ZNF346: variants seen among roughly 807,000 people sequenced by gnomAD.
ZNF346 encodes the protein double-stranded RNA-binding zinc finger protein JAZ.
Under a neutral mutation model 33.7 loss-of-function variants are expected in ZNF346, and 23 were observed. The ratio of observed to expected loss-of-function variants is 0.68; its 90% CI spans 0.49 to 0.97. ZNF346 has a LOEUF of 0.97. ZNF346 is among the 50% of genes least tolerant of loss of function. The pLI, the probability that ZNF346 is intolerant of heterozygous loss-of-function variation, is 0.00. For missense variants in ZNF346, 340 were observed against 371.1 expected (o/e 0.92, Z 0.69); for synonymous variants, 134 against 142.4 (o/e 0.94, Z 0.42).
At chr5:177,026,595 C>T (rs1408589112) in intron 1 of ZNF346, among the ~76,000 whole-genome samples, 1 of 152,074 alleles carries the variant, frequency 6.6e-6, no homozygotes, top group Non-Finnish European at 1.5e-5. Flanking sequence ...CTCCTGACCT[C>T]AGGTGATCCA....
intron 8 of ZNF346, among the ~76,000 whole-genome samples, chr5:177,075,780 G>T (rs1332778283): frequency 6.6e-6 from 1 of 152,024 alleles, no homozygotes; most frequent in South Asian, 2.1e-4. Context: ...TCTGCCTCCT[G>T]GGTTCAAACG....
At chr5:177,024,929 A>G (rs1348106806) in intron 1 of ZNF346, among the ~76,000 whole-genome samples, 2 of 152,098 alleles carry the variant, frequency 1.3e-5, no homozygotes, top group African/African-American at 4.8e-5. Flanking sequence ...ATTAAGTTCT[A>G]CTCACCCTTT....
At chr5:177,023,000 T>C in intron 1 of ZNF346, 87 bp downstream of exon 1, 1 of 1,447,176 alleles carries the variant, frequency 6.9e-7, no homozygotes, top group Non-Finnish European at 9.1e-7. Flanking sequence ...TCACACCCCC[T>C]GGCCCGCCTC....
chr5:177,057,183 G>A (rs879913511), intron 5 of ZNF346, among the ~76,000 whole-genome samples: 1 of 151,800 alleles, frequency 6.6e-6, no homozygotes, highest in Non-Finnish European at 1.5e-5. Flanking sequence ...GTGGTGGTGG[G>A]CGCCTGTAAT....
At chr5:177,047,960 T>C (rs1025280489) in intron 4 of ZNF346, among the ~76,000 whole-genome samples, 1 of 152,188 alleles carries the variant, frequency 6.6e-6, no homozygotes, top group Non-Finnish European at 1.5e-5. Flanking sequence ...TTCTATATGT[T>C]TTTTATTTAA....
intron 4 of ZNF346, among the ~76,000 whole-genome samples, chr5:177,046,573 A>T (rs555448107): frequency 6.6e-5 from 10 of 152,330 alleles, no homozygotes; most frequent in African/African-American, 2.4e-4. Context: ...TCTGAAATTA[A>T]ACACTTTTTA....
At chr5:177,076,072 C>T (rs1783733062) in intron 8 of ZNF346, among the ~76,000 whole-genome samples, 2 of 152,226 alleles carry the variant, frequency 1.3e-5, no homozygotes, top group Admixed American at 6.5e-5. Flanking sequence ...CGCTCAGCCT[C>T]CTGAAGTGCT....
chr5:177,027,677 CTATT>C (rs1363052887), intron 1 of ZNF346, among the ~76,000 whole-genome samples: 36 of 136,072 alleles, frequency 2.6e-4, no homozygotes, highest in African/African-American at 7.2e-4. Flanking sequence ...TTTAAATTCT[CTATT>C]TATTTATTTA....
rs747060535 is a variant in ZNF346, at chr5:177,022,743, A to G, written c.5A>G (p.Glu2Gly). The G allele has an allele frequency of 3.9e-6, 6 of 1,552,600 alleles. No homozygotes were observed. The highest frequency in any genetic ancestry group is 5.2e-6 in the Non-Finnish European group (6 of 1,153,466). The change falls in exon 1 of 7, where the codon GAG becomes GGG. Residue 2 changes from glutamate to glycine, a missense_variant. Coordinates refer to ENST00000358149, the MANE Select transcript of ZNF346 (RefSeq NM_012279.4). ...CGGTGAGGGTTTGCGGGGAAGATGG[A>G]GTATCCCGCGCCGGCCACGGTGCAG... MEYPAPATVQAA... is the reference protein window; with the variant it reads MGYPAPATVQAA...
intron 1 of ZNF346, among the ~76,000 whole-genome samples, chr5:177,038,875 CTTGTGT>C (rs969824907): frequency 3.4e-5 from 3 of 89,110 alleles, no homozygotes. Context: ...TCTTCTTCTT[CTTGTGT>C]GTGTGTGTGT....
chr5:177,055,302 G>A (rs1331719213), intron 5 of ZNF346, among the ~76,000 whole-genome samples: 1 of 151,958 alleles, frequency 6.6e-6, no homozygotes, highest in Non-Finnish European at 1.5e-5. Flanking sequence ...CCAAAGTGCT[G>A]GGATTACAGG....
At chr5:177,044,555 GC>G in intron 4 of ZNF346, 22 bp downstream of exon 4, 3 of 1,612,444 alleles carry the variant, frequency 1.9e-6, no homozygotes, top group Non-Finnish European at 2.5e-6. Context: ...CCTGAGTAGT[GC>G]TATAGTGGGA....
intron 1 of ZNF346, among the ~76,000 whole-genome samples, chr5:177,031,994 T>C (rs1158940507): frequency 7.3e-6 from 1 of 137,534 alleles, no homozygotes; most frequent in African/African-American, 2.9e-5. Context: ...GCCTTTTCTT[T>C]TTTCTTTTTT....
At chr5:177,047,033 TA>T (rs1186568289) in intron 4 of ZNF346, among the ~76,000 whole-genome samples, 5 of 59,900 alleles carry the variant, frequency 8.3e-5, no homozygotes, top group East Asian at 6.0e-4. Flanking sequence ...TATTTATTTT[TA>T]TTTATTTATT....
chr5:177,064,931 G>T lies in ZNF346; in HGVS notation c.*332G>T. 3.6e-6 allele frequency: 1 copy of T among 278,392 alleles called. No homozygotes were observed. Among genetic ancestry groups the T allele is most frequent in the East Asian group, 7.3e-5 (1 of 13,612 alleles). 17.2% of individuals were successfully genotyped at this position (278,392 alleles called of 1,614,324 possible). ...CCCTGCCACCTGTCTTTCCTCTAAA[G>T]GTCAGTTTTGGGCCAGTTCTTGCAA... is the stretch of plus-strand genomic sequence containing the variant. On this transcript the variant is annotated 3_prime_UTR_variant, in exon 7 of 7. Transcript: ENST00000358149.
chr5:177,053,654 G>A (rs997717662), intron 5 of ZNF346, among the ~76,000 whole-genome samples: 1 of 152,098 alleles, frequency 6.6e-6, no homozygotes, highest in Non-Finnish European at 1.5e-5. Context: ...ACCTTGATGA[G>A]TTTTTCTTAC....
intron 4 of ZNF346, among the ~76,000 whole-genome samples, chr5:177,047,016 A>T (rs7708399): frequency 0.14 from 21,201 of 148,684 alleles, 3,157 homozygotes; most frequent in African/African-American, 0.38. Flanking sequence ...GGTTTTTAAA[A>T]TTTTTTTATT....
intron 4 of ZNF346, among the ~76,000 whole-genome samples, chr5:177,048,777 CTTTTTTTTTCT>C (rs1780452065): frequency 7.3e-6 from 1 of 136,448 alleles, no homozygotes; most frequent in African/African-American, 3.1e-5. Flanking sequence ...TTGTTTTTTT[CTTTTTTTTTCT>C]TTTTTTTTTT....
rs540149750 is a variant in ZNF346, at chr5:177,057,926, A to G, written c.704-4132A>G. On this transcript the variant is annotated intron_variant, in intron 5 of 6. Transcript: ENST00000358149. ...AACCTCCACCTCCTGGGTTCAAGCAATTCTCCTGCCTCAGCCTCCCGAGTA... is the reference window on the plus strand; with the variant it reads ...AACCTCCACCTCCTGGGTTCAAGCAGTTCTCCTGCCTCAGCCTCCCGAGTA... Among the ~76,000 whole-genome samples, 193 of 150,896 alleles carry G rather than the reference A, an allele frequency of 1.3e-3. 2 individuals are homozygous for G. Among genetic ancestry groups the G allele is most frequent in the African/African-American group, 4.6e-3 (189 of 41,272 alleles).
Sources: gnomAD v4.1 joint callset for allele counts (sites outside exome capture counted in the v4.1 genomes callset) on GRCh38, gnomAD v4.1.1 for gene constraint, MANE v1.5 for transcripts, NCBI Gene and HGNC (gene_info 2026-07-23, HGNC 2026-07-21) for gene names.